The following PPM1J variants were observed in gnomAD, a reference collection of about 807,000 sequenced individuals.
PPM1J encodes the protein protein phosphatase, Mg2+/Mn2+ dependent 1J, also known as protein phosphatase 1J.
Under a neutral mutation model 53.3 loss-of-function variants are expected in PPM1J, and 43 were observed. That is an observed-to-expected ratio of 0.81 (90% CI 0.63 to 1.04). PPM1J has a LOEUF of 1.04. Among genes scored for constraint, PPM1J ranks in the 50% least tolerant of loss-of-function variants. The pLI, the probability that PPM1J is intolerant of heterozygous loss-of-function variation, is 0.00. For missense variants in PPM1J, 635 were observed against 685.9 expected (o/e 0.93, Z 0.83); for synonymous variants, 267 against 286.4 (o/e 0.93, Z 0.68).
At position 112,715,085 on chromosome 1, in the gene PPM1J, G is replaced by A. The variant is rs6419337; in HGVS notation, c.217C>T (p.Leu73=). 1.3e-6 allele frequency: 2 copies of A among 1,562,456 alleles called. No individual in the cohort carries two copies. Among genetic ancestry groups the A allele is most frequent in the East Asian group, 2.5e-5 (1 of 40,108 alleles). The change falls in exon 1 of 10, where the codon CTG becomes TTG. Residue 73 remains leucine (L), a synonymous_variant. Transcript: ENST00000309276. This position sits in a 1 kb window ranked among gnomAD's most constrained non-coding sequence, Gnocchi z 4.4. The stretch of plus-strand genomic sequence containing the variant: ...CGCAGCCCCCCGGGGCTCAGCTGCA[G>A]AAAGGTCGGTCTGGAGAAGCTCGCT... ...ARASFSRPTF[L]QLSPGGLRRA...
In PPM1J at chr1:112,712,990, T is replaced by C. The variant is rs759036224; in HGVS notation, c.483A>G (p.Ala161=). The part of the protein sequence containing the change: ...FYYWGLFDGH[A]GGGAAEMASR... ...AGGCCATTTCAGCAGCTCCGCCCCC[T>C]GCATGCCCATCAAATAGGCCCCAGT... The change falls in exon 3 of 10, where the codon GCA becomes GCG. Residue 161 remains alanine (A), a synonymous_variant. Coordinates refer to ENST00000309276, the MANE Select transcript of PPM1J (RefSeq NM_005167.7). The C allele has an allele frequency of 3.1e-6, 5 of 1,611,358 alleles. No individual in the cohort carries two copies. The African/African-American group carries it at 6.7e-5, about 22-fold the overall frequency.
At position 112,710,941 on chromosome 1, in the gene PPM1J, C is replaced by A. The variant is rs533912929; in HGVS notation, c.1110+67G>T. 15 of 1,574,964 alleles carry A rather than the reference C, an allele frequency of 9.5e-6. No individual in the cohort carries two copies. The South Asian group carries it at 1.2e-4, about 13-fold the overall frequency. ...CTTCCACCCCTACCCTCAGGTAGAA[C>A]CTCCACCTCCCTAGACAAGTTGTGA... On this transcript the variant is annotated intron_variant, in intron 7 of 9. Transcript: ENST00000309276.
rs1391174169 is a variant in PPM1J, at chr1:112,712,727, C to T, written c.729+17G>A. 6.3e-7 allele frequency: 1 copy of T among 1,592,586 alleles called. No homozygotes were observed. Among genetic ancestry groups the T allele is most frequent in the Non-Finnish European group, 8.6e-7 (1 of 1,169,012 alleles). ...AGTGGTTGCCTAGCAGGCTCTTGGC[C>T]CAGGTCACCCACTCACCATGAGCTG... On this transcript the variant is annotated intron_variant, in intron 3 of 9. Transcript: ENST00000309276.
chr1:112,714,008 A>C, intron 1 of PPM1J: 1 of 1,085,028 alleles, frequency 9.2e-7, no homozygotes. Context: ...ACCACTATCA[A>C]CTCTCCCAGT....
At chr1:112,712,159 T>C (rs1675078695) in intron 4 of PPM1J, 104 bp from the exon 5 acceptor site, 1 of 1,064,648 alleles carries the variant, frequency 9.4e-7, no homozygotes, top group East Asian at 2.6e-5. Context: ...TTCAGATCTC[T>C]TACCCAGACC....
In PPM1J at chr1:112,713,589, G is replaced by A. The variant is rs571109280; in HGVS notation, c.349C>T (p.Arg117Trp). 4.3e-6 allele frequency: 7 copies of A among 1,614,086 alleles called. No individual in the cohort carries two copies. The highest frequency in any genetic ancestry group is 1.7e-4 in the Middle Eastern group (1 of 6,060). ...YAEVINAGKS[R>W]HNEDQACCEV... ...CAGCAAGCCTGGTCCTCATTGTGCC[G>A]ACTCTTGCCAGCATTGATGACCCTG... Residue 117 changes from arginine (R) to tryptophan (W), a missense_variant, in exon 2 of 10, where the codon CGG becomes TGG. By Grantham distance (101) the Arg-to-Trp change is moderately radical. Transcript: ENST00000309276.
In PPM1J at chr1:112,710,764, A is replaced by G; in HGVS notation, c.1198T>C (p.Phe400Leu). 1 of 1,614,122 alleles carries G rather than the reference A, an allele frequency of 6.2e-7. No individual in the cohort carries two copies. Residue 400 changes from phenylalanine to leucine, a missense_variant, in exon 8 of 10, where the codon TTT becomes CTT. By Grantham distance (22) the Phe-to-Leu change is conservative. Coordinates refer to ENST00000309276, the MANE Select transcript of PPM1J (RefSeq NM_005167.7). Reference sequence around the variant, plus strand: ...CTCACCTCAGGGAAGCAGGAGAGAAAGGGCTTGATGGGCAGGGTGGAACTG... The same window carrying G: ...CTCACCTCAGGGAAGCAGGAGAGAAGGGGCTTGATGGGCAGGGTGGAACTG... ...VCSSTLPIKP[F>L]LSCFPEVRVY...
chr1:112,712,493 G>T, intron 3 of PPM1J, 36 bp from the exon 4 acceptor site: 1 of 1,576,286 alleles, frequency 6.3e-7, no homozygotes, highest in Non-Finnish European at 8.7e-7. Context: ...TGGGTAGAAG[G>T]AGAGGTTCCA....
chr1:112,712,683 T>C, intron 3 of PPM1J, 61 bp downstream of exon 3: 1 of 1,513,552 alleles, frequency 6.6e-7, no homozygotes. Context: ...CCCTCTGGCT[T>C]CCACACAGAG....
In PPM1J at chr1:112,711,341, A is replaced by G. The variant is rs746719942; in HGVS notation, c.971T>C (p.Leu324Pro). ...PELLGSEFTH[L>P]EFPRRVLPKE... The stretch of plus-strand genomic sequence containing the variant: ...GGGCAGAACTCTGCGGGGGAACTCA[A>G]GGTGGGTGAATTCACTGCCTAGCAG... Residue 324 changes from leucine (L) to proline (P), a missense_variant, in exon 6 of 10, where the codon CTT becomes CCT. Transcript: ENST00000309276. The G allele has an allele frequency of 2.5e-6, 4 of 1,606,556 alleles. No homozygotes were observed. The African/African-American group carries it at 5.3e-5, about 21-fold the overall frequency.
chr1:112,714,281 T>A, intron 1 of PPM1J: 1 of 985,566 alleles, frequency 1.0e-6, no homozygotes, highest in South Asian at 4.7e-5. Context: ...AGCGCCCCCA[T>A]CTCCCTCGGT....
intron 1 of PPM1J, 104 bp downstream of exon 1, chr1:112,714,872 T>C: frequency 7.6e-7 from 1 of 1,318,736 alleles, no homozygotes; most frequent in Non-Finnish European, 9.7e-7. Context: ...AGGGAGCTCC[T>C]GGCCCGGACG....
Position 112,710,725 on chromosome 1 carries a change from T to C in PPM1J, c.1218+19A>G. The stretch of plus-strand genomic sequence containing the variant: ...CCTGAGACTCCCAGAGAAGGCAAGG[T>C]GTGGTTTAAGGGGCTCACCTCAGGG... On this transcript the variant is annotated intron_variant, in intron 8 of 9. Coordinates refer to ENST00000309276, the MANE Select transcript of PPM1J (RefSeq NM_005167.7). 2.5e-6 allele frequency: 4 copies of C among 1,613,332 alleles called. No homozygotes were observed. The highest frequency in any genetic ancestry group is 3.4e-6 in the Non-Finnish European group (4 of 1,179,422).
intron 3 of PPM1J, 107 bp downstream of exon 3, chr1:112,712,637 A>G: frequency 7.9e-7 from 1 of 1,258,840 alleles, no homozygotes; most frequent in Non-Finnish European, 1.1e-6. Context: ...AGCTCTGCTC[A>G]GGCTCTCAAA....
In PPM1J at chr1:112,711,318, GC is replaced by G; in HGVS notation, c.993del (p.Lys333ArgfsTer14). On this transcript the variant is annotated frameshift_variant, in exon 6 of 10. Coordinates refer to ENST00000309276, the MANE Select transcript of PPM1J (RefSeq NM_005167.7). LOFTEE classifies it high-confidence loss of function. ...FTHLEFPRRV[L>X]PKELGQRMLY... Reference sequence around the variant, plus strand: ...AACATCCTCTGCCCCAGCTCCTTGGGCAGAACTCTGCGGGGGAACTCAAGGT... The same window carrying G: ...AACATCCTCTGCCCCAGCTCCTTGGGAGAACTCTGCGGGGGAACTCAAGGT... 1 of 1,607,488 alleles carries G rather than the reference GC, an allele frequency of 6.2e-7. No homozygotes were observed. Among genetic ancestry groups the G allele is most frequent in the Non-Finnish European group, 8.5e-7 (1 of 1,176,808 alleles).
intron 7 of PPM1J, 47 bp downstream of exon 7, chr1:112,710,961 T>TTG: frequency 6.3e-7 from 1 of 1,594,956 alleles, no homozygotes; most frequent in Non-Finnish European, 8.6e-7. Context: ...CCTAGACAAG[T>TTG]TGTGATAGGT....
intron 5 of PPM1J, among the ~76,000 whole-genome samples, chr1:112,711,655 C>G (rs1675064008): frequency 6.6e-6 from 1 of 152,202 alleles, no homozygotes; most frequent in East Asian, 1.9e-4. Context: ...GGGCTTCCAG[C>G]TCCACAGCCA....
intron 1 of PPM1J, chr1:112,714,753 C>A: frequency 8.0e-7 from 1 of 1,251,070 alleles, no homozygotes; most frequent in East Asian, 3.2e-5. Flanking sequence ...CGAGGGCAGT[C>A]AATGAGCGGG....
intron 1 of PPM1J, chr1:112,714,170 G>A: frequency 2.0e-6 from 2 of 994,174 alleles, no homozygotes; most frequent in Non-Finnish European, 2.4e-6. Context: ...AGCCCACCTG[G>A]ACTGGGCAGG....
Sources: allele counts gnomAD v4.1 joint callset (sites outside exome capture counted in the v4.1 genomes callset), GRCh38; gene constraint gnomAD v4.1.1; non-coding constraint Gnocchi (gnomAD v3.1); transcripts MANE v1.5; gene names NCBI Gene and HGNC (gene_info 2026-07-23, HGNC 2026-07-21).